The following ENTREP2 variants were observed in gnomAD, a reference collection of about 807,000 sequenced individuals.
The protein encoded by ENTREP2 is endosomal transmembrane epsin interactor 2, also known as protein ENTREP2.
chr15:29,445,954 G>A, the ENTREP2 span, among the ~76,000 whole-genome samples: 2 of 152,152 alleles, frequency 1.3e-5, no homozygotes, highest in Non-Finnish European at 1.5e-5. Flanking sequence ...CTTGCTGTAT[G>A]GGAAAACATC....
the ENTREP2 span, among the ~76,000 whole-genome samples, chr15:29,532,010 C>T: frequency 5.3e-5 from 8 of 152,188 alleles, no homozygotes; most frequent in Non-Finnish European, 1.0e-4. Flanking sequence ...TACTTTGCAT[C>T]CTTATTTTTT....
At chr15:29,155,013 T>G in the ENTREP2 span, among the ~76,000 whole-genome samples, 13 of 150,966 alleles carry the variant, frequency 8.6e-5, no homozygotes, top group East Asian at 2.0e-4. Context: ...CCGGGCGTGG[T>G]GGCTCATGCC....
At chr15:29,311,125 G>A in the ENTREP2 span, among the ~76,000 whole-genome samples, 2 of 152,044 alleles carry the variant, frequency 1.3e-5, no homozygotes, top group African/African-American at 4.8e-5. Context: ...TGAGAGACCT[G>A]TAATCTAAAA....
the ENTREP2 span, among the ~76,000 whole-genome samples, chr15:29,571,168 G>C: frequency 1.3e-5 from 2 of 151,804 alleles, no homozygotes; most frequent in African/African-American, 2.4e-5. Context: ...CGCAGGTGCG[G>C]TCCTGGCGTC....
chr15:29,416,632 C>T, the ENTREP2 span, among the ~76,000 whole-genome samples: 1 of 151,972 alleles, frequency 6.6e-6, no homozygotes, highest in Non-Finnish European at 1.5e-5. Context: ...GCAACAAAAG[C>T]CAAAATTGAC....
the ENTREP2 span, among the ~76,000 whole-genome samples, chr15:29,228,502 A>G: frequency 7.9e-5 from 12 of 152,196 alleles, no homozygotes; most frequent in Non-Finnish European, 7.4e-5. Flanking sequence ...GGGATGATGA[A>G]AAAGTTCTGG....
At chr15:29,521,865 C>T in the ENTREP2 span, among the ~76,000 whole-genome samples, 26 of 151,964 alleles carry the variant, frequency 1.7e-4, no homozygotes, top group Non-Finnish European at 1.5e-5. Flanking sequence ...CACTTAAACA[C>T]ACACACACAC....
chr15:29,289,372 C>T, the ENTREP2 span, among the ~76,000 whole-genome samples: 1 of 152,042 alleles, frequency 6.6e-6, no homozygotes, highest in African/African-American at 2.4e-5. Flanking sequence ...CCATGACTCA[C>T]CACCCTATGG....
At chr15:29,445,289 T>A in the ENTREP2 span, among the ~76,000 whole-genome samples, 3 of 152,150 alleles carry the variant, frequency 2.0e-5, no homozygotes, top group Non-Finnish European at 4.4e-5. Context: ...GATGTGTCTT[T>A]TTGTGTGCTA....
the ENTREP2 span, among the ~76,000 whole-genome samples, chr15:29,173,395 C>T: frequency 6.6e-6 from 1 of 152,212 alleles, no homozygotes; most frequent in African/African-American, 2.4e-5. Context: ...GCTCACACCC[C>T]ACAAAAGATC....
the ENTREP2 span, among the ~76,000 whole-genome samples, chr15:29,410,871 C>T: frequency 2.6e-5 from 4 of 152,166 alleles, no homozygotes; most frequent in South Asian, 4.1e-4. Context: ...CTGCAACCTC[C>T]GCCTCCCAGG....
the ENTREP2 span, among the ~76,000 whole-genome samples, chr15:29,402,265 T>TATATATATATAC: frequency 9.4e-5 from 13 of 137,854 alleles, no homozygotes; most frequent in African/African-American, 2.6e-4. Flanking sequence ...TATATATATA[T>TATATATATATAC]ACACACACAT....
chr15:29,525,442 G>A, the ENTREP2 span, among the ~76,000 whole-genome samples: 1 of 152,166 alleles, frequency 6.6e-6, no homozygotes, highest in African/African-American at 2.4e-5. Flanking sequence ...CAAAATAGAC[G>A]AACCTCAAAA....
chr15:29,172,715 C>T, the ENTREP2 span, among the ~76,000 whole-genome samples: 4 of 152,108 alleles, frequency 2.6e-5, no homozygotes, highest in African/African-American at 9.7e-5. Flanking sequence ...CTGCCTCATC[C>T]TTGATCATCC....
the ENTREP2 span, among the ~76,000 whole-genome samples, chr15:29,197,456 T>A: frequency 6.6e-6 from 1 of 152,054 alleles, no homozygotes; most frequent in Admixed American, 6.6e-5. Flanking sequence ...AATAAAGTCC[T>A]AGATGTAAAA....
chr15:29,444,181 A>C, the ENTREP2 span, among the ~76,000 whole-genome samples: 2,192 of 46,012 alleles, frequency 0.048, 160 homozygotes, highest in African/African-American at 0.06. Flanking sequence ...AAAGAAAGAA[A>C]GAAAGAAAGA....
At chr15:29,650,733 C>CA in the ENTREP2 span, among the ~76,000 whole-genome samples, 2 of 152,152 alleles carry the variant, frequency 1.3e-5, no homozygotes, top group Non-Finnish European at 2.9e-5. Flanking sequence ...GGGAGCTTTT[C>CA]ATTTTTCTTT....
the ENTREP2 span, among the ~76,000 whole-genome samples, chr15:29,388,514 T>TG: frequency 2.0e-5 from 3 of 152,322 alleles, no homozygotes; most frequent in South Asian, 4.1e-4. Flanking sequence ...TTTACACTGT[T>TG]GTGGGACTGT....
the ENTREP2 span, chr15:29,136,406 G>C: frequency 6.5e-7 from 1 of 1,532,950 alleles, no homozygotes; most frequent in Non-Finnish European, 8.8e-7. Flanking sequence ...CTCGTACGGA[G>C]GGGGGAGCTC....
Sources: allele counts gnomAD v4.1 joint callset (sites outside exome capture counted in the v4.1 genomes callset), GRCh38; gene constraint gnomAD v4.1.1; transcripts MANE v1.5; gene names NCBI Gene and HGNC (gene_info 2026-07-23, HGNC 2026-07-21).